The following FSIP2 variants were observed in gnomAD, a reference collection of about 807,000 sequenced individuals.
The protein encoded by FSIP2 is fibrous sheath interacting protein 2.
Under a neutral mutation model 510.5 loss-of-function variants are expected in FSIP2, and 367 were observed. That is an observed-to-expected ratio of 0.72 (90% CI 0.66 to 0.78). FSIP2 has a LOEUF of 0.78. Among genes scored for constraint, FSIP2 ranks in the 30% least tolerant of loss-of-function variants. The pLI, the probability that FSIP2 is intolerant of heterozygous loss-of-function variation, is 0.00. For missense variants in FSIP2, 7,594 were observed against 7,901.7 expected, an observed-to-expected ratio of 0.96 and a Z score of 1.48; for synonymous variants, 2,601 against 2,732.2, an observed-to-expected ratio of 0.95 and a Z score of 1.50.
At chr2:185,749,285 A>T (rs949590671) in intron 7 of FSIP2, among the ~76,000 whole-genome samples, 1 of 151,916 alleles carries the variant, frequency 6.6e-6, no homozygotes, top group South Asian at 2.1e-4. Flanking sequence ...CATGAACCAC[A>T]TATGTCGCTC....
chr2:185,801,030 T>C lies in FSIP2; in HGVS notation c.11724T>C (p.Asp3908=), dbSNP rs908090807. 2.6e-6 allele frequency: 4 copies of C among 1,531,810 alleles called. No individual in the cohort carries two copies. The highest frequency in any genetic ancestry group is 2.7e-5 in the African/African-American group (2 of 72,900). The allele number at this position is 1,531,810 out of a possible 1,614,324, so 94.9% of individuals were successfully genotyped here. The change falls in exon 17 of 23, where the codon GAT becomes GAC. Residue 3908 remains aspartate, a synonymous_variant. Coordinates refer to ENST00000424728, the MANE Select transcript of FSIP2 (RefSeq NM_173651.4). ...GTTCTTTAGAACTCAGGAGCTATGATAGTAATTCTTTGACAGTATCCCTGA... is the reference window on the plus strand; with the variant it reads ...GTTCTTTAGAACTCAGGAGCTATGACAGTAATTCTTTGACAGTATCCCTGA... ...SKSSLELRSY[D]SNSLTVSLNN... is the part of the protein sequence containing the mutation.
chr2:185,771,122 G>T (rs1179737314), intron 13 of FSIP2, among the ~76,000 whole-genome samples: 2 of 152,200 alleles, frequency 1.3e-5, no homozygotes, highest in African/African-American at 2.4e-5. Flanking sequence ...AACCCCCATG[G>T]CTTCTGTCAC....
Position 185,813,561 on chromosome 2 carries a change from C to A in FSIP2, c.19844C>A (p.Ser6615Ter). 1.3e-6 allele frequency: 2 copies of A among 1,527,392 alleles called. No individual in the cohort carries two copies. The highest frequency in any genetic ancestry group is 2.6e-5 in the South Asian group (2 of 77,276). The allele number at this position is 1,527,392 out of a possible 1,614,324, so 94.6% of individuals were successfully genotyped here. The change falls in exon 18 of 23, where the codon TCA becomes TAA. Residue 6615 changes from serine to a stop codon, truncating the protein, a stop_gained. Coordinates refer to ENST00000424728, the MANE Select transcript of FSIP2 (RefSeq NM_173651.4). LOFTEE classifies it high-confidence loss of function. ...VKPLEAVARNSFQNIRKPDIT... is the reference protein window; with the variant it reads ...VKPLEAVARN ...TAATTTCAGGCCGTTGCTAGAAATTCATTTCAGAATATAAGAAAGCCTGAT... is the reference window on the plus strand; with the variant it reads ...TAATTTCAGGCCGTTGCTAGAAATTAATTTCAGAATATAAGAAAGCCTGAT...
In FSIP2 at chr2:185,753,784, T is replaced by C. The variant is rs1451191787; in HGVS notation, c.933T>C (p.Phe311=). Residue 311 remains phenylalanine (F), a synonymous_variant, in exon 8 of 23, where the codon TTT becomes TTC. Transcript: ENST00000424728. The part of the protein sequence containing the change: ...YHLQKMQDTG[F]NGEDIGKNTF... ...TACAAAAAATGCAAGATACTGGCTT[T>C]AACGGAGAAGATATAGGAAAAAATA... 8 of 1,470,606 alleles carry C rather than the reference T, an allele frequency of 5.4e-6. No homozygotes were observed. In the East Asian group the frequency reaches 2.0e-4, roughly 37 times the overall value. The allele number at this position is 1,470,606 out of a possible 1,614,324, so 91.1% of individuals were successfully genotyped here. A position where few individuals can be genotyped will look rare whatever the true frequency, so the allele number is the denominator to read the frequency against.
In FSIP2 at chr2:185,761,949, C is replaced by A. The variant is rs775215503; in HGVS notation, c.1195-23C>A. ...AGTACAGTTACTAATGTAATTTTTT[C>A]TCTTCAATGTGGTACCATGTAGAGA... On this transcript the variant is annotated intron_variant, in intron 10 of 22. Transcript: ENST00000424728. The A allele has an allele frequency of 5.9e-6, 8 of 1,363,394 alleles. 1 individual carries two copies. The highest frequency in any genetic ancestry group is 1.8e-4 in the Middle Eastern group (1 of 5,526). 84.5% of individuals were successfully genotyped at this position (1,363,394 alleles called of 1,614,324 possible).
Position 185,807,986 on chromosome 2 carries a change from G to T in FSIP2, c.18680G>T (p.Ser6227Ile). 1 of 1,610,788 alleles carries T rather than the reference G, an allele frequency of 6.2e-7. No individual in the cohort carries two copies. The highest frequency in any genetic ancestry group is 2.2e-5 in the East Asian group (1 of 44,664). ...LNSVQEFISK[S>I]KIKLVPPTKE... ...TCAGTCCAAGAATTTATCTCCAAAA[G>T]TAAGATTAAACTTGTACCACCCACC... Residue 6227 changes from serine (S) to isoleucine (I), a missense_variant, in exon 17 of 23, where the codon AGT (serine) becomes ATT (isoleucine). Transcript: ENST00000424728.
chr2:185,797,395 A>C lies in FSIP2; in HGVS notation c.10259A>C (p.Lys3420Thr). The C allele has an allele frequency of 6.5e-7, 1 of 1,531,360 alleles. No individual in the cohort carries two copies. Among genetic ancestry groups the C allele is most frequent in the Non-Finnish European group, 8.7e-7 (1 of 1,145,398 alleles). The allele number at this position is 1,531,360 out of a possible 1,614,324, so 94.9% of individuals were successfully genotyped here. Residue 3420 changes from lysine to threonine, a missense_variant, in exon 16 of 23, where the codon AAG becomes ACG. Coordinates refer to ENST00000424728, the MANE Select transcript of FSIP2 (RefSeq NM_173651.4). Reference protein sequence around the residue: ...LQKLKKKEYPKIETVKEVEAF... With the variant: ...LQKLKKKEYPTIETVKEVEAF... Reference sequence around the variant, plus strand: ...AAATTGAAAAAAAAGGAGTACCCAAAGATAGAGACTGTGAAGGAAGTTGAA... The same window carrying C: ...AAATTGAAAAAAAAGGAGTACCCAACGATAGAGACTGTGAAGGAAGTTGAA...
rs763921351 is a variant in FSIP2, at chr2:185,806,077, G to T, written c.16771G>T (p.Asp5591Tyr). ...EIYTHFSLII[D>Y]DTEYEKEVLG... is the part of the protein sequence containing the mutation. ...ATACACACATTTTTCATTAATAATT[G>T]ATGATACAGAATATGAGAAGGAAGT... Residue 5591 changes from aspartate (D) to tyrosine (Y), a missense_variant, in exon 17 of 23, where the codon GAT (aspartate) becomes TAT (tyrosine). By Grantham distance (160) the Asp-to-Tyr change is radical. Transcript: ENST00000424728. The T allele has an allele frequency of 1.6e-5, 25 of 1,566,246 alleles. No individual in the cohort carries two copies. In the East Asian group the frequency reaches 4.9e-4, roughly 31 times the overall value.
upstream of FSIP2, chr2:185,738,482 G>A: frequency 1.1e-6 from 1 of 896,948 alleles, no homozygotes; most frequent in South Asian, 1.7e-5. Flanking sequence ...GGGGGAAGAT[G>A]TAGAATGGGC....
In FSIP2 at chr2:185,816,585, C is replaced by T. The variant is rs76784818; in HGVS notation, c.20426+1114C>T. On this transcript the variant is annotated intron_variant, in intron 19 of 22. Coordinates refer to ENST00000424728, the MANE Select transcript of FSIP2 (RefSeq NM_173651.4). ...GCTCATGATGGCTCACGTCTGTAAT[C>T]CCACCACTTTGGGAGGCAGAGGCAT... is the stretch of plus-strand genomic sequence containing the variant. Among the ~76,000 whole-genome samples the T allele has an allele frequency of 6.9e-3, 1,048 of 151,946 alleles. 18 individuals carry two copies. Among genetic ancestry groups the T allele is most frequent in the African/African-American group, 0.024 (1,014 of 41,454 alleles).
intron 20 of FSIP2, among the ~76,000 whole-genome samples, chr2:185,826,683 T>TAACAGCTATATCACC (rs2105686781): frequency 6.6e-6 from 1 of 151,998 alleles, no homozygotes; most frequent in African/African-American, 2.4e-5. Flanking sequence ...TTATGTCTGT[T>TAACAGCTATATCACC]AACAGCTATA....
At chr2:185,739,078 C>T (rs1192250320) in intron 1 of FSIP2, 85 bp downstream of exon 1, 1 of 1,419,860 alleles carries the variant, frequency 7.0e-7, no homozygotes, top group East Asian at 2.5e-5. Flanking sequence ...ACACACGGGT[C>T]GCGAGGCTCC....
rs957423129 is a variant in FSIP2, at chr2:185,798,841, T to C, written c.10391-856T>C. Among the ~76,000 whole-genome samples the C allele has an allele frequency of 4.0e-4, 61 of 151,874 alleles. 1 individual carries two copies. The highest frequency in any genetic ancestry group is 1.5e-4 in the Non-Finnish European group (10 of 67,888). On this transcript the variant is annotated intron_variant, in intron 16 of 22. Transcript: ENST00000424728. ...CCTATTCTCAGACATCTCCAAGGTC[T>C]TCCAGTGACTTCGCTCATGTTCCTT...
At chr2:185,739,570 C>T (rs1240020147) in intron 2 of FSIP2, 99 bp downstream of exon 2, 1 of 1,113,710 alleles carries the variant, frequency 9.0e-7, no homozygotes, top group African/African-American at 1.6e-5. Context: ...GAATTTGCAT[C>T]AACATTTACA....
chr2:185,782,432 A>ATGAT, intron 13 of FSIP2, among the ~76,000 whole-genome samples: 1 of 152,328 alleles, frequency 6.6e-6, no homozygotes, highest in Non-Finnish European at 1.5e-5. Flanking sequence ...CATGAGAAAC[A>ATGAT]TGATATATTT....
intron 13 of FSIP2, among the ~76,000 whole-genome samples, chr2:185,772,920 G>A (rs1692636982): frequency 6.6e-6 from 1 of 151,444 alleles, no homozygotes; most frequent in African/African-American, 2.4e-5. Flanking sequence ...GAGTGCAGTG[G>A]CATGATCTCA....
Position 185,807,249 on chromosome 2 carries a change from G to C in FSIP2, c.17943G>C (p.Lys5981Asn). 1.2e-6 allele frequency: 2 copies of C among 1,612,054 alleles called. No homozygotes were observed. Among genetic ancestry groups the C allele is most frequent in the Non-Finnish European group, 1.7e-6 (2 of 1,179,024 alleles). The change falls in exon 17 of 23, where the codon AAG becomes AAC. Residue 5981 changes from lysine (K) to asparagine (N), a missense_variant. Physicochemically the swap from Lys to Asn is moderately conservative, Grantham distance 94. Transcript: ENST00000424728. ...CAGCATGTTTGCCTCTGGAATCTAAGGATGTTGTTAAAAAGGTCCAAAAGT... is the reference window on the plus strand; with the variant it reads ...CAGCATGTTTGCCTCTGGAATCTAACGATGTTGTTAAAAAGGTCCAAAAGT... ...SVSACLPLESKDVVKKVQKLA... is the reference protein window; with the variant it reads ...SVSACLPLESNDVVKKVQKLA...
intron 13 of FSIP2, among the ~76,000 whole-genome samples, chr2:185,776,370 T>G (rs1285816865): frequency 6.6e-6 from 1 of 152,218 alleles, no homozygotes; most frequent in East Asian, 1.9e-4. Flanking sequence ...TACATTTTGA[T>G]GTCAGTTGTC....
In FSIP2 at chr2:185,808,129, A is replaced by G. The variant is rs746703124; in HGVS notation, c.18823A>G (p.Met6275Val). ...GSYTSVFKDL[M>V]GKSNVLSDTI... ...TTATACTTCTGTATTTAAAGATTTA[A>G]TGGGTAAAAGCAATGTCCTCTCTGA... The change falls in exon 17 of 23, where the codon ATG (methionine) becomes GTG (valine). Residue 6275 changes from methionine to valine, a missense_variant. By Grantham distance (21) the Met-to-Val change is conservative. Transcript: ENST00000424728. 1.9e-5 allele frequency: 30 copies of G among 1,605,988 alleles called. No homozygotes were observed. The Admixed American group carries it at 4.1e-4, about 22-fold the overall frequency.
Sources: gnomAD v4.1 joint callset for allele counts (sites outside exome capture counted in the v4.1 genomes callset) on GRCh38, gnomAD v4.1.1 for gene constraint, MANE v1.5 for transcripts, NCBI Gene and HGNC (gene_info 2026-07-23, HGNC 2026-07-21) for gene names.